Variants in KCNA3 observed in about 807,000 individuals in gnomAD.
The protein encoded by KCNA3 is RP11-284N8.3.
Under a neutral mutation model 34.3 loss-of-function variants are expected in KCNA3, and 18 were observed. The observed-to-expected ratio is 0.52, with a 90% CI of 0.36 to 0.78. The LOEUF (loss-of-function observed/expected upper bound fraction) is 0.78. Ranked by LOEUF, KCNA3 falls within the 30% of genes least tolerant of loss-of-function variation. KCNA3 has a pLI of 0.00. For synonymous variants in KCNA3, 324 were observed against 351.7 expected, an observed-to-expected ratio of 0.92 and a Z score of 0.88; for missense variants, 587 against 802.5, an observed-to-expected ratio of 0.73 and a Z score of 3.24.
downstream of KCNA3, among the ~76,000 whole-genome samples, chr1:110,671,915 C>A (rs899063736): frequency 9.2e-5 from 14 of 152,160 alleles, no homozygotes; most frequent in Non-Finnish European, 1.6e-4. Flanking sequence ...ACATTCCAAA[C>A]ACCATATTTT....
In KCNA3 at chr1:110,674,043, A is replaced by T. The variant is rs767043453; in HGVS notation, c.767T>A (p.Leu256Gln). 3.1e-5 allele frequency: 50 copies of T among 1,608,134 alleles called. No homozygotes were observed. Among genetic ancestry groups the T allele is most frequent in the Non-Finnish European group, 4.3e-5 (50 of 1,176,460 alleles). Residue 256 changes from leucine (L) to glutamine (Q), a missense_variant, in exon 1 of 1, where the codon CTG becomes CAG. Physicochemically the swap from Leu to Gln is moderately radical, Grantham distance 113. This residue lies in a region of KCNA3 where 50 missense variants were observed against 45.3 expected (regional missense o/e 1.10). Coordinates refer to ENST00000369769, the MANE Select transcript of KCNA3 (RefSeq NM_002232.5). This position sits in a 1 kb window ranked among gnomAD's most constrained non-coding sequence, Gnocchi z 6.4. ...GTCCTTCTCGTCGCGGAACTCCGGC[A>T]GCGTCTCCAGGCAGAAGATGACAAT... ...ISIVIFCLET[L>Q]PEFRDEKDYP...
At chr1:110,672,277 G>T (rs1370155679), downstream of KCNA3, among the ~76,000 whole-genome samples, 1 of 152,332 alleles carries the variant, frequency 6.6e-6, no homozygotes, top group Non-Finnish European at 1.5e-5. Flanking sequence ...TACTGCCGAA[G>T]CTTATCTCTC....
At chr1:110,661,222 T>C in the KCNA3 span, among the ~76,000 whole-genome samples, 1 of 152,128 alleles carries the variant, frequency 6.6e-6, no homozygotes, top group African/African-American at 2.4e-5. Context: ...GGAATTTGAG[T>C]GTGCTTTTGA....
chr1:110,663,518 G>T, the KCNA3 span, among the ~76,000 whole-genome samples: 12 of 152,200 alleles, frequency 7.9e-5, no homozygotes, highest in Admixed American at 2.0e-4. Context: ...GCCTGAAAAT[G>T]CAGGGAAAGG....
chr1:110,654,939 A>G, the KCNA3 span: 1 of 152,162 alleles, frequency 6.6e-6, no homozygotes, highest in Non-Finnish European at 1.5e-5. Flanking sequence ...TCAATGCTAA[A>G]TAAATTATGT....
chr1:110,662,557 T>C, the KCNA3 span, among the ~76,000 whole-genome samples: 1 of 152,212 alleles, frequency 6.6e-6, no homozygotes, highest in African/African-American at 2.4e-5. Flanking sequence ...GTTTTACCAG[T>C]TCTACCAAGT....
chr1:110,655,993 CA>C, the KCNA3 span: 8 of 152,106 alleles, frequency 5.3e-5, no homozygotes, highest in African/African-American at 1.7e-4. Flanking sequence ...AAATGAACTA[CA>C]ATATGGCTGT....
chr1:110,660,799 T>G, the KCNA3 span, among the ~76,000 whole-genome samples: 1 of 152,180 alleles, frequency 6.6e-6, no homozygotes, highest in Non-Finnish European at 1.5e-5. Flanking sequence ...AAATATTTCT[T>G]AAGAAGAGGA....
downstream of KCNA3, among the ~76,000 whole-genome samples, chr1:110,671,928 TC>T (rs200434546): frequency 4.5e-3 from 680 of 152,338 alleles, 11 homozygotes; most frequent in African/African-American, 0.015. Flanking sequence ...CATATTTTCC[TC>T]CTTGATTCAG....
the KCNA3 span, among the ~76,000 whole-genome samples, chr1:110,659,650 T>A: frequency 3.3e-5 from 5 of 152,144 alleles, no homozygotes; most frequent in African/African-American, 1.2e-4. Flanking sequence ...CTATAGACTT[T>A]ATGTCAATAG....
At chr1:110,657,337 G>A in the KCNA3 span, among the ~76,000 whole-genome samples, 4 of 152,062 alleles carry the variant, frequency 2.6e-5, no homozygotes, top group Non-Finnish European at 5.9e-5. Context: ...ATGAGCCACC[G>A]CACCCGGCCC....
At chr1:110,671,158 T>A (rs1405226029), downstream of KCNA3, among the ~76,000 whole-genome samples, 1 of 152,176 alleles carries the variant, frequency 6.6e-6, no homozygotes, top group Admixed American at 6.5e-5. Context: ...TTATCCTTTT[T>A]AAAGGGAAAC....
At chr1:110,658,183 G>A in the KCNA3 span, among the ~76,000 whole-genome samples, 2 of 152,050 alleles carry the variant, frequency 1.3e-5, no homozygotes, top group South Asian at 2.1e-4. Context: ...TATCTGTTTC[G>A]CTGCAGGTAT....
In KCNA3 at chr1:110,674,257, G is replaced by T; in HGVS notation, c.553C>A (p.Arg185Ser). 6.2e-7 allele frequency: 1 copy of T among 1,614,120 alleles called. No individual in the cohort carries two copies. The highest frequency in any genetic ancestry group is 8.5e-7 in the Non-Finnish European group (1 of 1,180,006). ...VPIDIFSEEI[R>S]FYQLGEEAME... Reference sequence around the variant, plus strand: ...GCCTCCTCGCCCAGCTGGTAGAAGCGGATCTCCTCGGAGAAAATGTCGATG... The same window carrying T: ...GCCTCCTCGCCCAGCTGGTAGAAGCTGATCTCCTCGGAGAAAATGTCGATG... The change falls in exon 1 of 1, where the codon CGC (arginine) becomes AGC (serine). Residue 185 changes from arginine (R) to serine (S), a missense_variant. Arg to Ser is a moderately radical substitution (Grantham distance 110). Transcript: ENST00000369769. The surrounding 1 kb of genome is among the most constrained non-coding windows in gnomAD (Gnocchi z 6.4).
At chr1:110,668,157 A>G (rs1382112254), downstream of KCNA3, among the ~76,000 whole-genome samples, 1 of 152,144 alleles carries the variant, frequency 6.6e-6, no homozygotes, top group Non-Finnish European at 1.5e-5. Context: ...ACAAAACACA[A>G]AGAAAAAGCT....
chr1:110,654,826 C>G, the KCNA3 span: 1 of 152,040 alleles, frequency 6.6e-6, no homozygotes, highest in Non-Finnish European at 1.5e-5. Context: ...GGTTTAGAGC[C>G]ATTTATTGGC....
the KCNA3 span, among the ~76,000 whole-genome samples, chr1:110,657,757 T>G: frequency 1.3e-5 from 2 of 152,244 alleles, no homozygotes; most frequent in Admixed American, 1.3e-4. Flanking sequence ...TTGTAACACC[T>G]ACTGATCCTT....
the KCNA3 span, among the ~76,000 whole-genome samples, chr1:110,667,151 G>T: frequency 6.6e-6 from 1 of 152,066 alleles, no homozygotes; most frequent in Non-Finnish European, 1.5e-5. Context: ...ATGTTTAAAT[G>T]TATAAAAATA....
chr1:110,663,750 T>C, the KCNA3 span, among the ~76,000 whole-genome samples: 4 of 152,220 alleles, frequency 2.6e-5, no homozygotes, highest in Non-Finnish European at 5.9e-5. Context: ...AACCAAATGC[T>C]ACTGGATTGC....
Sources: allele counts gnomAD v4.1 joint callset (sites outside exome capture counted in the v4.1 genomes callset), GRCh38; gene constraint gnomAD v4.1.1; regional missense constraint gnomAD v4.1.1; non-coding constraint Gnocchi (gnomAD v3.1); transcripts MANE v1.5; gene names NCBI Gene and HGNC (gene_info 2026-07-23, HGNC 2026-07-21).